GALNTL6: variants seen among roughly 807,000 people sequenced by gnomAD.
GALNTL6 encodes polypeptide N-acetylgalactosaminyltransferase like 6.
A neutral mutation model predicts 73.7 loss-of-function variants in GALNTL6; 46 were observed. The observed-to-expected ratio is 0.62, with a 90% confidence interval of 0.49 to 0.80. The LOEUF is 0.80. Among genes scored for constraint, GALNTL6 ranks in the 30% least tolerant of loss-of-function variants. The pLI is 0.00. For missense variants in GALNTL6, 604 were observed against 755.0 expected, an observed-to-expected ratio of 0.80 and a Z score of 2.34; for synonymous variants, 259 against 263.7, an observed-to-expected ratio of 0.98 and a Z score of 0.17.
chr4:172,699,601 T>C (rs975764071), intron 5 of GALNTL6, among the ~76,000 whole-genome samples: 1 of 152,174 alleles, frequency 6.6e-6, no homozygotes, highest in Non-Finnish European at 1.5e-5. Context: ...AAGAAACTTA[T>C]GTGAAGAACA....
In GALNTL6 at chr4:172,734,143, T is replaced by C. The variant is rs560389885; in HGVS notation, c.554-75218T>C. Among the ~76,000 whole-genome samples the C allele has an allele frequency of 2.2e-4, 34 of 152,318 alleles. 1 individual carries two copies. In the South Asian group the frequency reaches 5.6e-3, roughly 25 times the overall value. ...ACATTTTGCCTCTGCCTTCGAGATCTGTGGAACTTTGAACTTCAGAGAGAT... is the reference window on the plus strand; with the variant it reads ...ACATTTTGCCTCTGCCTTCGAGATCCGTGGAACTTTGAACTTCAGAGAGAT... On this transcript the variant is annotated intron_variant, in intron 5 of 12. Transcript: ENST00000506823.
At chr4:172,832,392 A>G (rs1742686388) in intron 7 of GALNTL6, among the ~76,000 whole-genome samples, 1 of 152,188 alleles carries the variant, frequency 6.6e-6, no homozygotes, top group African/African-American at 2.4e-5. Flanking sequence ...AAAATATTTT[A>G]AATTAGACCA....
At chr4:171,960,992 C>T (rs975426602) in intron 2 of GALNTL6, among the ~76,000 whole-genome samples, 4 of 152,038 alleles carry the variant, frequency 2.6e-5, no homozygotes, top group Admixed American at 6.6e-5. Context: ...ACTCTGTGGA[C>T]TCTCCCCAGA....
chr4:172,648,193 G>C (rs1273079761), intron 5 of GALNTL6, among the ~76,000 whole-genome samples: 1 of 152,090 alleles, frequency 6.6e-6, no homozygotes, highest in Non-Finnish European at 1.5e-5. Context: ...TCCATGAGCT[G>C]GGCTACTGAA....
At chr4:172,921,070 A>G (rs1747762941) in intron 8 of GALNTL6, among the ~76,000 whole-genome samples, 1 of 152,198 alleles carries the variant, frequency 6.6e-6, no homozygotes, top group African/African-American at 2.4e-5. Flanking sequence ...AATTCCAGGC[A>G]GAAGAAACCG....
chr4:172,232,570 A>C (rs1185927254), intron 3 of GALNTL6, among the ~76,000 whole-genome samples: 1 of 152,128 alleles, frequency 6.6e-6, no homozygotes, highest in African/African-American at 2.4e-5. Flanking sequence ...TTGTATGTCT[A>C]GAGAATGCAC....
chr4:172,141,070 G>A (rs1733786425), intron 2 of GALNTL6, among the ~76,000 whole-genome samples: 2 of 151,964 alleles, frequency 1.3e-5, no homozygotes. Flanking sequence ...TGCCCTTTAT[G>A]TAAATTAAAT....
chr4:171,814,493 C>T lies in GALNTL6; in HGVS notation c.-88C>T. ...TAGCTTCTCAGTTTCTGGTGCTTCG[C>T]AGGGGAGAGGAAAGGAATTTGACAT... On this transcript the variant is annotated 5_prime_UTR_variant, in exon 2 of 13. Transcript: ENST00000506823. The T allele has an allele frequency of 7.0e-7, 1 of 1,419,794 alleles. No individual in the cohort carries two copies. The highest frequency in any genetic ancestry group is 9.8e-7 in the Non-Finnish European group (1 of 1,021,176). The allele number at this position is 1,419,794 out of a possible 1,614,324, so 87.9% of individuals were successfully genotyped here.
intron 8 of GALNTL6, among the ~76,000 whole-genome samples, chr4:172,922,520 A>C (rs1225205806): frequency 6.6e-6 from 1 of 152,196 alleles, no homozygotes; most frequent in Non-Finnish European, 1.5e-5. Flanking sequence ...CTGAAAAAAA[A>C]ATAAAGTAGT....
intron 5 of GALNTL6, among the ~76,000 whole-genome samples, chr4:172,421,855 T>TCC (rs1731061652): frequency 6.6e-6 from 1 of 152,088 alleles, no homozygotes; most frequent in Non-Finnish European, 1.5e-5. Flanking sequence ...AAAATAGTTG[T>TCC]CATGTTTATA....
chr4:172,678,106 A>G (rs1732412496), intron 5 of GALNTL6, among the ~76,000 whole-genome samples: 2 of 152,154 alleles, frequency 1.3e-5, no homozygotes, highest in Non-Finnish European at 2.9e-5. Flanking sequence ...TTAATCTCAT[A>G]ATGCCAGGTC....
intron 2 of GALNTL6, among the ~76,000 whole-genome samples, chr4:172,117,452 ACT>A (rs1240394030): frequency 4.6e-5 from 7 of 152,024 alleles, no homozygotes; most frequent in African/African-American, 1.7e-4. Context: ...CTTAAAACTA[ACT>A]CTTCCCCTAT....
At chr4:172,202,254 T>G (rs1735979014) in intron 2 of GALNTL6, among the ~76,000 whole-genome samples, 1 of 152,206 alleles carries the variant, frequency 6.6e-6, no homozygotes, top group Admixed American at 6.5e-5. Context: ...ATGAGCACAG[T>G]AATTTGAAAC....
intron 2 of GALNTL6, among the ~76,000 whole-genome samples, chr4:171,904,924 C>T (rs1302183308): frequency 2.0e-5 from 3 of 152,096 alleles, no homozygotes. Context: ...AAATAAAATA[C>T]TTTACAGACA....
At chr4:172,098,181 T>C (rs1732410669) in intron 2 of GALNTL6, among the ~76,000 whole-genome samples, 1 of 152,130 alleles carries the variant, frequency 6.6e-6, no homozygotes, top group Non-Finnish European at 1.5e-5. Context: ...TCTCTCTATA[T>C]ATAAGACATC....
At chr4:172,299,338 T>C (rs1739816463) in intron 3 of GALNTL6, among the ~76,000 whole-genome samples, 2 of 152,364 alleles carry the variant, frequency 1.3e-5, no homozygotes, top group South Asian at 4.1e-4. Flanking sequence ...TCATTGACTT[T>C]TTGAAGGGTT....
intron 2 of GALNTL6, among the ~76,000 whole-genome samples, chr4:172,183,433 A>T (rs1263590694): frequency 6.6e-6 from 1 of 152,226 alleles, no homozygotes; most frequent in Non-Finnish European, 1.5e-5. Context: ...TGACAAATTC[A>T]AACTGGCTTG....
chr4:172,023,644 A>G (rs1741468659), intron 2 of GALNTL6, among the ~76,000 whole-genome samples: 1 of 151,922 alleles, frequency 6.6e-6, no homozygotes, highest in African/African-American at 2.4e-5. Flanking sequence ...ATCTCTAGAA[A>G]TCAATGTATT....
chr4:172,800,350 T>C (rs1400045320), intron 5 of GALNTL6, among the ~76,000 whole-genome samples: 1 of 152,230 alleles, frequency 6.6e-6, no homozygotes, highest in East Asian at 1.9e-4. Context: ...TGTTCTCCTA[T>C]ATCAACATTG....
Sources: gnomAD v4.1 joint callset for allele counts (sites outside exome capture counted in the v4.1 genomes callset) on GRCh38, gnomAD v4.1.1 for gene constraint, MANE v1.5 for transcripts, NCBI Gene and HGNC (gene_info 2026-07-23, HGNC 2026-07-21) for gene names.